The following EPB41L4A variants were observed in gnomAD, a reference collection of about 807,000 sequenced individuals.
The protein encoded by EPB41L4A is band 4.1-like protein 4A.
EPB41L4A carries 100 observed loss-of-function variants against 108.6 expected under a neutral mutation model. That is an observed-to-expected ratio of 0.92 (90% CI 0.78 to 1.09). The LOEUF is 1.09. EPB41L4A is among the 50% of genes least tolerant of loss of function. The probability of loss-of-function intolerance (pLI) is 0.00; values close to 1 mark genes in which losing one functional copy is unlikely to be tolerated. For missense variants in EPB41L4A, 1,030 were observed against 842.7 expected (o/e 1.22, Z -2.75); for synonymous variants, 319 against 289.0 (o/e 1.10, Z -1.05).
intron 14 of EPB41L4A, among the ~76,000 whole-genome samples, chr5:112,205,090 A>C (rs538707721): frequency 6.6e-6 from 1 of 152,334 alleles, no homozygotes; most frequent in South Asian, 2.1e-4. Flanking sequence ...TTTTGACTTA[A>C]GTTTTTAACC....
intron 22 of EPB41L4A, among the ~76,000 whole-genome samples, chr5:112,166,748 A>T (rs1760271403): frequency 6.6e-6 from 1 of 152,220 alleles, no homozygotes; most frequent in Non-Finnish European, 1.5e-5. Flanking sequence ...TGTAAACTAC[A>T]TCCTGTTTGT....
At chr5:112,190,556 G>A (rs1761645065) in intron 17 of EPB41L4A, among the ~76,000 whole-genome samples, 1 of 152,214 alleles carries the variant, frequency 6.6e-6, no homozygotes, top group South Asian at 2.1e-4. Context: ...GAGGATGGAG[G>A]AGAGGACAGG....
intron 1 of EPB41L4A, among the ~76,000 whole-genome samples, chr5:112,357,731 T>G (rs1758453423): frequency 6.6e-6 from 1 of 152,090 alleles, no homozygotes; most frequent in African/African-American, 2.4e-5. Flanking sequence ...GGGGTAAAGG[T>G]TAACACTCAA....
intron 9 of EPB41L4A, among the ~76,000 whole-genome samples, chr5:112,258,782 G>A (rs1318854629): frequency 2.0e-5 from 3 of 152,118 alleles, no homozygotes; most frequent in African/African-American, 4.8e-5. Context: ...ATTTCCATCT[G>A]GTTTGTCTAT....
At chr5:112,301,058 A>AT (rs1029904644) in intron 2 of EPB41L4A, among the ~76,000 whole-genome samples, 5 of 151,230 alleles carry the variant, frequency 3.3e-5, no homozygotes, top group South Asian at 2.1e-4. Flanking sequence ...TCCTTGTATC[A>AT]TTTTTTTTGA....
intron 7 of EPB41L4A, among the ~76,000 whole-genome samples, chr5:112,260,271 T>G (rs1751404554): frequency 6.6e-6 from 1 of 152,248 alleles, no homozygotes; most frequent in Non-Finnish European, 1.5e-5. Context: ...CCTTACACAG[T>G]GGTGTTCAAT....
chr5:112,148,131 T>A (rs994075215), intron 12 of EPB41L4A, among the ~76,000 whole-genome samples: 2 of 148,068 alleles, frequency 1.4e-5, no homozygotes, highest in African/African-American at 4.9e-5. Context: ...AATAATATAA[T>A]AGTATTACTA....
At chr5:112,398,930 GAAA>G (rs60463095) in intron 1 of EPB41L4A, among the ~76,000 whole-genome samples, 6 of 108,342 alleles carry the variant, frequency 5.5e-5, no homozygotes, top group African/African-American at 1.4e-4. Flanking sequence ...GTCTATCCTA[GAAA>G]AAAAAAAAAA....
intron 1 of EPB41L4A, among the ~76,000 whole-genome samples, chr5:112,400,109 G>A (rs1761640983): frequency 6.6e-6 from 1 of 152,188 alleles, no homozygotes; most frequent in Admixed American, 6.5e-5. Context: ...TGGCTGGGGA[G>A]ACCTCAGGAA....
chr5:112,368,076 A>C (rs1759249345), intron 1 of EPB41L4A, among the ~76,000 whole-genome samples: 1 of 152,242 alleles, frequency 6.6e-6, no homozygotes, highest in Non-Finnish European at 1.5e-5. Flanking sequence ...TAACTTATAA[A>C]GCTTACAATA....
chr5:112,359,700 C>A (rs2150754945), intron 1 of EPB41L4A, among the ~76,000 whole-genome samples: 1 of 152,202 alleles, frequency 6.6e-6, no homozygotes, highest in Admixed American at 6.5e-5. Flanking sequence ...GCCACCACGC[C>A]CAGCTAATTT....
chr5:112,155,312 C>T (rs181616314), intron 12 of EPB41L4A, among the ~76,000 whole-genome samples: 1 of 150,962 alleles, frequency 6.6e-6, no homozygotes. Context: ...ATGATATTTA[C>T]ATAGAAAAAA....
chr5:112,150,657 T>A (rs936009061), intron 12 of EPB41L4A, among the ~76,000 whole-genome samples: 2 of 152,100 alleles, frequency 1.3e-5, no homozygotes, highest in Non-Finnish European at 2.9e-5. Flanking sequence ...GTAATAAAAT[T>A]CAGATCATCC....
chr5:112,178,608 A>C (rs559345323), intron 18 of EPB41L4A, among the ~76,000 whole-genome samples: 1 of 152,162 alleles, frequency 6.6e-6, no homozygotes, highest in Non-Finnish European at 1.5e-5. Flanking sequence ...ATGGAATTAA[A>C]TTAGAATAAT....
chr5:112,314,500 G>A (rs1454955425), intron 1 of EPB41L4A, among the ~76,000 whole-genome samples: 2 of 64,648 alleles, frequency 3.1e-5, no homozygotes, highest in African/African-American at 6.6e-5. Context: ...AAACCCCATC[G>A]CTACTAAAAA....
At chr5:112,243,126 A>G (rs1022385363) in intron 9 of EPB41L4A, among the ~76,000 whole-genome samples, 9 of 150,752 alleles carry the variant, frequency 6.0e-5, no homozygotes, top group African/African-American at 2.2e-4. Context: ...AGACAGGAGA[A>G]TGGCTTGAAT....
chr5:112,279,064 CAA>C (rs60463391), intron 3 of EPB41L4A, among the ~76,000 whole-genome samples: 1,590 of 76,802 alleles, frequency 0.021, 20 homozygotes, highest in African/African-American at 0.065. Flanking sequence ...GATACCGTCT[CAA>C]AAAAAAAAAA....
At chr5:112,385,515 A>C (rs1005559630) in intron 1 of EPB41L4A, among the ~76,000 whole-genome samples, 2 of 151,560 alleles carry the variant, frequency 1.3e-5, no homozygotes, top group African/African-American at 4.8e-5. Flanking sequence ...TTCAAAAAAA[A>C]AAAAAAAAAA....
At chr5:112,339,676 G>A (rs1009137321) in intron 1 of EPB41L4A, among the ~76,000 whole-genome samples, 3 of 151,532 alleles carry the variant, frequency 2.0e-5, no homozygotes, top group African/African-American at 7.3e-5. Flanking sequence ...TGGGATTACA[G>A]GCACACGTCA....
Sources: allele counts gnomAD v4.1 joint callset (sites outside exome capture counted in the v4.1 genomes callset), GRCh38; gene constraint gnomAD v4.1.1; transcripts MANE v1.5; gene names NCBI Gene and HGNC (gene_info 2026-07-23, HGNC 2026-07-21).